ABCA13: variants seen among roughly 807,000 people sequenced by gnomAD.
The protein encoded by ABCA13 is ATP-binding cassette sub-family A member 13.
In ABCA13, 476 loss-of-function variants were observed where a neutral mutation model predicts 478.7. That is an observed-to-expected ratio of 0.99 (90% confidence interval 0.92 to 1.07). The LOEUF (loss-of-function observed/expected upper bound fraction) is 1.07, where lower values mean the gene tolerates loss of function less well. ABCA13 is among the 50% of genes least tolerant of loss of function. ABCA13 has a pLI of 0.00. For synonymous variants in ABCA13, 2,252 were observed against 2,158.9 expected, an observed-to-expected ratio of 1.04 and a Z score of -1.20; for missense variants, 6,060 against 5,910.6, an observed-to-expected ratio of 1.03 and a Z score of -0.83.
At chr7:48,523,613 TTATAG>T (rs1488824867) in intron 53 of ABCA13, among the ~76,000 whole-genome samples, 1 of 151,932 alleles carries the variant, frequency 6.6e-6, no homozygotes, top group Non-Finnish European at 1.5e-5. Context: ...TGTTGGCATA[TTATAG>T]TTTATAGGGG....
chr7:48,352,550 AG>A (rs1809201125), intron 31 of ABCA13, 63 bp downstream of exon 31: 1 of 1,445,254 alleles, frequency 6.9e-7, no homozygotes, highest in African/African-American at 1.4e-5. Context: ...CTAGCTGAGG[AG>A]AGAAAACTCA....
rs974233960 is a variant in ABCA13 at position 48,444,140 on chromosome 7, C to T, written c.12566-10897C>T. The stretch of plus-strand genomic sequence containing the variant: ...TGCTCTCTGTTTTCAATGCCTCCCC[C>T]TGTCCTGAATCTTTCTCACTATGGA... On this transcript the variant is annotated intron_variant, in intron 42 of 61. Coordinates refer to ENST00000435803, the MANE Select transcript of ABCA13 (RefSeq NM_152701.5). Among the ~76,000 whole-genome samples, 7 of 152,326 alleles carry T rather than the reference C, an allele frequency of 4.6e-5. No homozygotes were observed. The East Asian group carries it at 1.4e-3, about 29-fold the overall frequency.
intron 3 of ABCA13, among the ~76,000 whole-genome samples, chr7:48,199,926 T>C (rs1445881241): frequency 6.6e-6 from 1 of 152,236 alleles, no homozygotes; most frequent in Admixed American, 6.5e-5. Flanking sequence ...ATTGACCTCT[T>C]TGAATCTGTT....
At chr7:48,344,397 G>A (rs1807726942) in intron 29 of ABCA13, among the ~76,000 whole-genome samples, 1 of 152,192 alleles carries the variant, frequency 6.6e-6, no homozygotes, top group African/African-American at 2.4e-5. Flanking sequence ...GAGACACGTT[G>A]GAATGTCAAA....
rs141572932 is a variant in ABCA13, at chr7:48,620,662, C to G, written c.14837+5285C>G. ...AGAGACATGGAACACACTAGGAAAC[C>G]TAGTTACAATAATAGTTAGACCAGA... is the stretch of plus-strand genomic sequence containing the variant. On this transcript the variant is annotated intron_variant, in intron 59 of 61. Coordinates refer to ENST00000435803, the MANE Select transcript of ABCA13 (RefSeq NM_152701.5). Among the ~76,000 whole-genome samples, 108 of 152,268 alleles carry G rather than the reference C, an allele frequency of 7.1e-4. 1 individual carries two copies. The highest frequency in any genetic ancestry group is 2.6e-3 in the African/African-American group (106 of 41,548).
At chr7:48,195,036 G>A (rs888819090) in intron 2 of ABCA13, among the ~76,000 whole-genome samples, 1 of 152,138 alleles carries the variant, frequency 6.6e-6, no homozygotes, top group African/African-American at 2.4e-5. Context: ...CACACAAGAG[G>A]GTCAGCCAAT....
intron 55 of ABCA13, among the ~76,000 whole-genome samples, chr7:48,539,769 G>A (rs1324478582): frequency 1.3e-5 from 2 of 152,134 alleles, no homozygotes; most frequent in African/African-American, 2.4e-5. Flanking sequence ...AAGGTTCAAT[G>A]CTATACCACA....
intron 17 of ABCA13, among the ~76,000 whole-genome samples, chr7:48,277,627 A>T (rs1325567576): frequency 1.3e-5 from 2 of 152,208 alleles, no homozygotes; most frequent in South Asian, 2.1e-4. Context: ...TGAGAAACAT[A>T]CAAGAAAGGG....
chr7:48,317,426 A>C, intron 27 of ABCA13, 130 bp downstream of exon 27: 2 of 1,064,926 alleles, frequency 1.9e-6, no homozygotes, highest in Non-Finnish European at 2.6e-6. Flanking sequence ...AATCTACTTC[A>C]TTTTAGCCTG....
chr7:48,244,811 C>G, intron 11 of ABCA13, 108 bp downstream of exon 11: 2 of 1,380,366 alleles, frequency 1.4e-6, no homozygotes, highest in Non-Finnish European at 1.9e-6. Flanking sequence ...TGGGAGATAA[C>G]TTTGCTGGTG....
chr7:48,175,044 A>T (rs36194525), intron 1 of ABCA13, among the ~76,000 whole-genome samples: 59,006 of 152,032 alleles, frequency 0.39, 13,192 homozygotes, highest in Non-Finnish European at 0.51. Flanking sequence ...GCTTTTGGGC[A>T]GGTGGAGATC....
At chr7:48,474,229 C>T (rs915670058) in intron 45 of ABCA13, among the ~76,000 whole-genome samples, 3 of 152,064 alleles carry the variant, frequency 2.0e-5, no homozygotes, top group African/African-American at 7.2e-5. Context: ...GATCACATCA[C>T]AGAGTAATTA....
chr7:48,275,455 C>A lies in ABCA13; in HGVS notation c.5789C>A (p.Pro1930His), dbSNP rs751390962. ...CATAAGATATTACCGTTTGTCCCACCTTCAATAAATCAAACTAGGGATAGC... is the reference window on the plus strand; with the variant it reads ...CATAAGATATTACCGTTTGTCCCACATTCAATAAATCAAACTAGGGATAGC... ...FWHKILPFVPPSINQTRDSIS... is the reference protein window; with the variant it reads ...FWHKILPFVPHSINQTRDSIS... Residue 1930 changes from proline to histidine, a missense_variant, in exon 17 of 62, where the codon CCT becomes CAT. Around this residue, in one of 3 missense-constraint regions of ABCA13, gnomAD observed 4,423 missense variants for 4,309.1 expected, o/e 1.03. Transcript: ENST00000435803. 6.2e-7 allele frequency: 1 copy of A among 1,613,898 alleles called. No homozygotes were observed. Among genetic ancestry groups the A allele is most frequent in the South Asian group, 1.1e-5 (1 of 91,076 alleles).
intron 59 of ABCA13, among the ~76,000 whole-genome samples, chr7:48,634,953 C>T (rs1794508360): frequency 6.6e-6 from 1 of 152,078 alleles, no homozygotes; most frequent in Non-Finnish European, 1.5e-5. Context: ...ATATCATGGG[C>T]ATAAATTGTT....
chr7:48,636,400 T>G (rs1051571604), intron 59 of ABCA13, among the ~76,000 whole-genome samples: 7 of 152,230 alleles, frequency 4.6e-5, no homozygotes, highest in Admixed American at 4.6e-4. Flanking sequence ...TGGAAAAGAT[T>G]CACTGTCTTG....
chr7:48,467,856 A>G (rs1827051619), intron 44 of ABCA13, among the ~76,000 whole-genome samples: 1 of 152,218 alleles, frequency 6.6e-6, no homozygotes, highest in Admixed American at 6.5e-5. Context: ...CCCATTAGTC[A>G]TATTGGTAAT....
At chr7:48,601,159 T>C (rs1563490843) in intron 58 of ABCA13, among the ~76,000 whole-genome samples, 1 of 152,180 alleles carries the variant, frequency 6.6e-6, no homozygotes, top group African/African-American at 2.4e-5. Flanking sequence ...TTATTTTTTT[T>C]ATAATTTTTA....
chr7:48,354,751 C>T lies in ABCA13; in HGVS notation c.10688+2264C>T, dbSNP rs573683313. Among the ~76,000 whole-genome samples the T allele has an allele frequency of 2.0e-5, 3 of 152,092 alleles. No individual in the cohort carries two copies. The South Asian group carries it at 6.2e-4, about 31-fold the overall frequency. ...TTGAGATTTCTCACTGTGCTATATC[C>T]ATCTTTTATCTCTTGTTTCGAAGTC... On this transcript the variant is annotated intron_variant, in intron 31 of 61. Coordinates refer to ENST00000435803, the MANE Select transcript of ABCA13 (RefSeq NM_152701.5).
At chr7:48,178,378 G>T (rs1158581743) in intron 1 of ABCA13, among the ~76,000 whole-genome samples, 1 of 152,082 alleles carries the variant, frequency 6.6e-6, no homozygotes, top group South Asian at 2.1e-4. Context: ...CTGAGTTTAA[G>T]AATGTGAGAA....
Sources: allele counts gnomAD v4.1 joint callset (sites outside exome capture counted in the v4.1 genomes callset), GRCh38; gene constraint gnomAD v4.1.1; regional missense constraint gnomAD v4.1.1; transcripts MANE v1.5; gene names NCBI Gene and HGNC (gene_info 2026-07-23, HGNC 2026-07-21).